Variants in COL24A1 observed in about 807,000 individuals in gnomAD.
The protein encoded by COL24A1 is collagen alpha-1(XXIV) chain.
COL24A1 carries 224 observed loss-of-function variants against 253.9 expected under a neutral mutation model. The ratio of observed to expected loss-of-function variants is 0.88; its 90% CI spans 0.79 to 0.99. COL24A1 has a LOEUF of 0.99. COL24A1 is among the 50% of genes least tolerant of loss of function. COL24A1 has a pLI of 0.00. For missense variants in COL24A1, 2,131 were observed against 2,068.5 expected (o/e 1.03, Z -0.59); for synonymous variants, 685 against 673.7 (o/e 1.02, Z -0.26).
At chr1:85,961,154 C>A in intron 24 of COL24A1, 95 bp downstream of exon 24, 1 of 900,974 alleles carries the variant, frequency 1.1e-6, no homozygotes, top group Non-Finnish European at 1.8e-6. Flanking sequence ...ATTCTGATTC[C>A]GAGTAACTTG....
At position 85,946,861 on chromosome 1, in the gene COL24A1, G is replaced by A. The variant is rs575519593; in HGVS notation, c.2562+14388C>T. ...CAAACTGAAACAGAACTACTATTCT[G>A]TTGAAATTCTTAACTGTTCTGTGTT... On this transcript the variant is annotated intron_variant, in intron 24 of 59. Transcript: ENST00000370571. 3.3e-5 allele frequency among the ~76,000 whole-genome samples: 5 copies of A among 152,228 alleles called. No homozygotes were observed. In the South Asian group the frequency reaches 6.2e-4, roughly 19 times the overall value.
At position 85,851,001 on chromosome 1, in the gene COL24A1, G is replaced by GTGTATA. The variant is rs1553198847; in HGVS notation, c.3301-1596_3301-1595insTATACA. On this transcript the variant is annotated intron_variant, in intron 37 of 59. Coordinates refer to ENST00000370571, the MANE Select transcript of COL24A1 (RefSeq NM_152890.7). The stretch of plus-strand genomic sequence containing the variant: ...TGTATGTCTATGTGTGTGTGTGTGT[G>GTGTATA]TATATATATATATATATATCTACAT... Among the ~76,000 whole-genome samples the GTGTATA allele has an allele frequency of 1.2e-3, 169 of 139,172 alleles. No individual in the cohort carries two copies. In the Middle Eastern group the frequency reaches 0.015, roughly 12 times the overall value. 91.3% of individuals were successfully genotyped at this position (139,172 alleles called of 152,430 possible). A position where few individuals can be genotyped will look rare whatever the true frequency, so the allele number is the denominator to read the frequency against.
chr1:86,127,939 T>C (rs1350297006), intron 2 of COL24A1, among the ~76,000 whole-genome samples: 1 of 152,066 alleles, frequency 6.6e-6, no homozygotes. Context: ...ATTTTAAGGT[T>C]AGAACAACCA....
At chr1:86,007,378 G>A (rs1280772520) in intron 19 of COL24A1, among the ~76,000 whole-genome samples, 1 of 152,168 alleles carries the variant, frequency 6.6e-6, no homozygotes, top group African/African-American at 2.4e-5. Context: ...CAGTTGGAAT[G>A]CAAAATGGCA....
At position 86,066,231 on chromosome 1, in the gene COL24A1, C is replaced by CTTTT. The variant is rs71078637; in HGVS notation, c.1708-2476_1708-2473dup. ...TTTTCCTTGAAATATCCTAAGTCTC[C>CTTTT]TTTTTTTTTTTTTTTTTTTTTTTTT... On this transcript the variant is annotated intron_variant, in intron 7 of 59. Transcript: ENST00000370571. Among the ~76,000 whole-genome samples the CTTTT allele has an allele frequency of 2.2e-3, 188 of 85,540 alleles. 3 individuals are homozygous for CTTTT. Among genetic ancestry groups the CTTTT allele is most frequent in the Middle Eastern group, 0.011 (1 of 92 alleles). 56.1% of individuals were successfully genotyped at this position (85,540 alleles called of 152,430 possible).
chr1:85,902,068 G>A (rs1226165303), intron 28 of COL24A1, among the ~76,000 whole-genome samples: 1 of 152,138 alleles, frequency 6.6e-6, no homozygotes, highest in Non-Finnish European at 1.5e-5. Flanking sequence ...GGAACTGGAG[G>A]TCATTATATT....
chr1:86,030,809 C>A (rs934946173), intron 14 of COL24A1, among the ~76,000 whole-genome samples: 1 of 149,608 alleles, frequency 6.7e-6, no homozygotes, highest in African/African-American at 2.5e-5. Flanking sequence ...CTTGCCCAGG[C>A]TTGGTCTCAA....
intron 32 of COL24A1, among the ~76,000 whole-genome samples, chr1:85,880,216 A>G (rs1049923373): frequency 6.6e-6 from 1 of 152,072 alleles, no homozygotes. Context: ...CCTCATATAG[A>G]TCTTGTATAT....
chr1:86,094,695 G>C (rs994221767), intron 5 of COL24A1, among the ~76,000 whole-genome samples: 6 of 151,514 alleles, frequency 4.0e-5, no homozygotes, highest in African/African-American at 1.2e-4. Context: ...ATCACTGTTT[G>C]CTCCACTATT....
At chr1:85,899,163 C>T (rs563621666) in intron 28 of COL24A1, among the ~76,000 whole-genome samples, 2 of 152,218 alleles carry the variant, frequency 1.3e-5, no homozygotes, top group East Asian at 1.9e-4. Context: ...TTCTCTAGCA[C>T]CTTCAATGCC....
chr1:85,788,707 G>T lies in COL24A1; in HGVS notation c.3952-2246C>A, dbSNP rs146314477. On this transcript the variant is annotated intron_variant, in intron 47 of 59. Transcript: ENST00000370571. ...TTTTATAGTTTTGTGTTTTACATTTGTCTTTAATCCATCATGAGTTAATCT... is the reference window on the plus strand; with the variant it reads ...TTTTATAGTTTTGTGTTTTACATTTTTCTTTAATCCATCATGAGTTAATCT... 4.6e-5 allele frequency among the ~76,000 whole-genome samples: 7 copies of T among 152,094 alleles called. 1 individual carries two copies. Among genetic ancestry groups the T allele is most frequent in the African/African-American group, 1.7e-4 (7 of 41,532 alleles).
intron 19 of COL24A1, among the ~76,000 whole-genome samples, chr1:86,003,065 G>C (rs527592282): frequency 5.3e-5 from 8 of 152,280 alleles, no homozygotes; most frequent in South Asian, 4.1e-4. Context: ...ATTATGGTGG[G>C]AGAAGATGCA....
chr1:85,827,435 C>T (rs552185069), intron 43 of COL24A1, among the ~76,000 whole-genome samples: 133 of 151,704 alleles, frequency 8.8e-4, no homozygotes, highest in African/African-American at 2.7e-3. Context: ...ATGATGCTGG[C>T]CTCATAAAAT....
intron 31 of COL24A1, among the ~76,000 whole-genome samples, chr1:85,890,311 A>G (rs1682981715): frequency 6.6e-6 from 1 of 152,172 alleles, no homozygotes; most frequent in South Asian, 2.1e-4. Flanking sequence ...ACTTCTTGAC[A>G]AACCACCAAA....
rs112214919 is a variant in COL24A1 at position 85,857,133 on chromosome 1, T to G, written c.3301-7727A>C. On this transcript the variant is annotated intron_variant, in intron 37 of 59. Coordinates refer to ENST00000370571, the MANE Select transcript of COL24A1 (RefSeq NM_152890.7). ...AATTACTCATTTGGAATTTGAAAGGTATCTTTTGTAGATATCACCTGGTGG... is the reference window on the plus strand; with the variant it reads ...AATTACTCATTTGGAATTTGAAAGGGATCTTTTGTAGATATCACCTGGTGG... 5.0e-3 allele frequency among the ~76,000 whole-genome samples: 768 copies of G among 152,206 alleles called. 3 individuals carry two copies. The highest frequency in any genetic ancestry group is 7.0e-3 in the Non-Finnish European group (473 of 68,006).
intron 20 of COL24A1, among the ~76,000 whole-genome samples, chr1:85,973,089 A>T (rs1237697670): frequency 6.6e-6 from 1 of 152,220 alleles, no homozygotes; most frequent in Non-Finnish European, 1.5e-5. Flanking sequence ...GCTCTTTCAG[A>T]ATTCAAAGTG....
At chr1:86,156,168 G>A (rs938107968) in intron 1 of COL24A1, 173 bp downstream of exon 1, 7 of 583,328 alleles carry the variant, frequency 1.2e-5, no homozygotes, top group African/African-American at 9.5e-5. Flanking sequence ...TTTCAAACAC[G>A]GTATTTTGCA....
intron 3 of COL24A1, among the ~76,000 whole-genome samples, chr1:86,123,254 T>C (rs1301673493): frequency 6.6e-6 from 1 of 151,926 alleles, no homozygotes; most frequent in Non-Finnish European, 1.5e-5. Flanking sequence ...TCTTAGAGCC[T>C]AGGTCATAAC....
chr1:85,945,302 A>G (rs1435355669), intron 24 of COL24A1, among the ~76,000 whole-genome samples: 1 of 151,792 alleles, frequency 6.6e-6, no homozygotes, highest in Non-Finnish European at 1.5e-5. Flanking sequence ...TACAGGTGTG[A>G]GCCACTGCGC....
Sources: gnomAD v4.1 joint callset for allele counts (sites outside exome capture counted in the v4.1 genomes callset) on GRCh38, gnomAD v4.1.1 for gene constraint, MANE v1.5 for transcripts, NCBI Gene and HGNC (gene_info 2026-07-23, HGNC 2026-07-21) for gene names.